The following NDUFAF6 variants were observed in gnomAD, a reference collection of about 807,000 sequenced individuals.
The protein encoded by NDUFAF6 is NADH dehydrogenase (ubiquinone) complex I, assembly factor 6.
Under a neutral mutation model 40.8 loss-of-function variants are expected in NDUFAF6, and 45 were observed. That is an observed-to-expected ratio of 1.10 (90% confidence interval 0.87 to 1.42). The LOEUF is 1.42. NDUFAF6 is among the 40% of genes most tolerant of loss of function. NDUFAF6 has a pLI of 0.00. For missense variants in NDUFAF6, 435 were observed against 418.5 expected (o/e 1.04, Z -0.34); for synonymous variants, 185 against 155.9 (o/e 1.19, Z -1.39).
chr8:94,954,516 A>C (rs1822907010), upstream of NDUFAF6, among the ~76,000 whole-genome samples: 2 of 152,216 alleles, frequency 1.3e-5, no homozygotes, highest in African/African-American at 2.4e-5. Flanking sequence ...GCTGTGAAGA[A>C]AGATAAGCTG....
chr8:94,922,516 T>C (rs374453607), intron 1 of NDUFAF6, among the ~76,000 whole-genome samples: 2 of 150,214 alleles, frequency 1.3e-5, no homozygotes, highest in East Asian at 3.9e-4. Flanking sequence ...TCTCACTCCG[T>C]CACCCAGGCT....
chr8:94,983,674 T>G (rs1825625662), intron 2 of NDUFAF6, among the ~76,000 whole-genome samples: 1 of 152,210 alleles, frequency 6.6e-6, no homozygotes, highest in South Asian at 2.1e-4. Context: ...GTTGTTACCA[T>G]TTTACAAATG....
At chr8:95,070,779 TCA>T (rs1422680262) in intron 9 of NDUFAF6, among the ~76,000 whole-genome samples, 2 of 152,234 alleles carry the variant, frequency 1.3e-5, no homozygotes, top group Non-Finnish European at 2.9e-5. Context: ...ATTTCTGGTA[TCA>T]CAGTTCACTT....
chr8:95,106,466 T>C (rs1384391090), downstream of NDUFAF6, among the ~76,000 whole-genome samples: 2 of 152,094 alleles, frequency 1.3e-5, no homozygotes, highest in Non-Finnish European at 1.5e-5. Flanking sequence ...CCTTAAACCT[T>C]ATACAAAAAT....
At chr8:95,082,689 T>G (rs906145864) in intron 2 of NDUFAF6, among the ~76,000 whole-genome samples, 4 of 152,056 alleles carry the variant, frequency 2.6e-5, no homozygotes, top group African/African-American at 4.8e-5. Context: ...AGACGGAGTC[T>G]CGCTCTGTCG....
chr8:95,023,788 C>T (rs563782387), upstream of NDUFAF6, among the ~76,000 whole-genome samples: 4 of 152,042 alleles, frequency 2.6e-5, no homozygotes, highest in African/African-American at 9.7e-5. Context: ...GAGGTCAGAT[C>T]GAGACCATCC....
intron 2 of NDUFAF6, among the ~76,000 whole-genome samples, chr8:95,000,685 C>G (rs1039544706): frequency 6.6e-6 from 1 of 150,686 alleles, no homozygotes; most frequent in African/African-American, 2.4e-5. Context: ...CTTGTAATCC[C>G]AGCACTTTGA....
intron 1 of NDUFAF6, among the ~76,000 whole-genome samples, chr8:95,028,924 GA>G (rs1828496591): frequency 6.6e-6 from 1 of 152,266 alleles, no homozygotes; most frequent in Admixed American, 6.5e-5. Context: ...AACTTTTGGG[GA>G]ACCATTTTGT....
At chr8:95,021,522 T>C (rs1331547744), upstream of NDUFAF6, among the ~76,000 whole-genome samples, 1 of 152,180 alleles carries the variant, frequency 6.6e-6, no homozygotes, top group Non-Finnish European at 1.5e-5. Flanking sequence ...TGTGAGCCTT[T>C]TCCCTTCTTG....
chr8:94,924,233 TG>T (rs1819707697), intron 1 of NDUFAF6, among the ~76,000 whole-genome samples: 3 of 152,102 alleles, frequency 2.0e-5, no homozygotes, highest in Admixed American at 2.0e-4. Flanking sequence ...GTCTAATTTT[TG>T]TATTTTTAGT....
At chr8:95,032,847 A>G (rs963670173) in intron 2 of NDUFAF6, among the ~76,000 whole-genome samples, 1 of 152,206 alleles carries the variant, frequency 6.6e-6, no homozygotes, top group Admixed American at 6.5e-5. Context: ...CACAACTGAG[A>G]TTCACAACTG....
chr8:94,901,412 A>G (rs1168208257), intron 1 of NDUFAF6, among the ~76,000 whole-genome samples: 3 of 151,926 alleles, frequency 2.0e-5, no homozygotes, highest in Admixed American at 6.6e-5. Context: ...CACACTCAGG[A>G]TATACGCTGA....
rs1261724672 is a variant in NDUFAF6 at position 94,937,777 on chromosome 8, G to T, written c.-935-7706G>T. Among the ~76,000 whole-genome samples the T allele has an allele frequency of 1.6e-4, 25 of 152,124 alleles. 1 individual carries two copies. Among genetic ancestry groups the T allele is most frequent in the Admixed American group, 1.6e-3 (25 of 15,254 alleles). On this transcript the variant is annotated intron_variant, in intron 1 of 14. Coordinates refer to the NDUFAF6 transcript ENST00000396113. ...ATGTCAAAATTCCTAAGGGTCTTAT[G>T]GGGGTTACCTAGACCCCATCTTGCA...
chr8:95,025,912 G>A (rs1828059754), intron 1 of NDUFAF6, among the ~76,000 whole-genome samples: 3 of 152,130 alleles, frequency 2.0e-5, no homozygotes, highest in African/African-American at 7.2e-5. Flanking sequence ...TGGTTCATGC[G>A]GCAGGGACCC....
chr8:95,090,846 A>G (rs1809225485), intron 2 of NDUFAF6, among the ~76,000 whole-genome samples: 1 of 152,212 alleles, frequency 6.6e-6, no homozygotes, highest in South Asian at 2.1e-4. Flanking sequence ...AGACTGGCCT[A>G]GCATCCCAGC....
At chr8:94,902,494 A>G (rs1205255092) in intron 1 of NDUFAF6, among the ~76,000 whole-genome samples, 1 of 151,998 alleles carries the variant, frequency 6.6e-6, no homozygotes, top group African/African-American at 2.4e-5. Context: ...ACTCTTATCA[A>G]GTTGTGGAAC....
intron 1 of NDUFAF6, among the ~76,000 whole-genome samples, chr8:94,913,373 A>T (rs1818913907): frequency 6.6e-6 from 1 of 152,228 alleles, no homozygotes; most frequent in Non-Finnish European, 1.5e-5. Context: ...TCACTGATAA[A>T]TGTACATGGC....
intron 2 of NDUFAF6, chr8:94,981,068 C>T: frequency 2.3e-6 from 1 of 432,564 alleles, no homozygotes; most frequent in Non-Finnish European, 4.7e-6. Flanking sequence ...TGGTTTATCC[C>T]CACAAAACTC....
At chr8:95,027,502 C>G (rs1587003530) in intron 1 of NDUFAF6, among the ~76,000 whole-genome samples, 1 of 149,310 alleles carries the variant, frequency 6.7e-6, no homozygotes, top group East Asian at 2.0e-4. Context: ...ATCACTTGAA[C>G]ATGGGAGGTT....
Sources: allele counts gnomAD v4.1 joint callset (sites outside exome capture counted in the v4.1 genomes callset), GRCh38; gene constraint gnomAD v4.1.1; transcripts MANE v1.5; gene names NCBI Gene and HGNC (gene_info 2026-07-23, HGNC 2026-07-21).